The following HIVEP3 variants were observed in gnomAD, a reference collection of about 807,000 sequenced individuals.
HIVEP3 encodes HIVEP zinc finger 3, also known as transcription factor HIVEP3.
HIVEP3 carries 49 observed loss-of-function variants against 152.8 expected under a neutral mutation model. That is an observed-to-expected ratio of 0.32 (90% CI 0.26 to 0.41). HIVEP3 has a LOEUF of 0.41. HIVEP3 is among the 10% of genes least tolerant of loss of function. The pLI is 1.00. For synonymous variants in HIVEP3, 1,269 were observed against 1,289.0 expected, an observed-to-expected ratio of 0.98 and a Z score of 0.33; for missense variants, 2,790 against 3,103.3, an observed-to-expected ratio of 0.90 and a Z score of 2.40.
At chr1:41,516,333 G>A (rs1642606058) in intron 7 of HIVEP3, among the ~76,000 whole-genome samples, 1 of 152,220 alleles carries the variant, frequency 6.6e-6, no homozygotes, top group African/African-American at 2.4e-5. Context: ...GCTCCTTCCA[G>A]GCAGTTCTCC....
intron 1 of HIVEP3, among the ~76,000 whole-genome samples, chr1:41,803,749 T>C (rs1570572253): frequency 1.3e-5 from 2 of 152,230 alleles, no homozygotes; most frequent in Non-Finnish European, 2.9e-5. Context: ...TGGAATGACA[T>C]GGTTAGAACA....
At chr1:41,948,596 T>C (rs920571239) in intron 1 of HIVEP3, among the ~76,000 whole-genome samples, 1 of 152,100 alleles carries the variant, frequency 6.6e-6, no homozygotes, top group Non-Finnish European at 1.5e-5. Flanking sequence ...ACCCCTAGTA[T>C]GGGGTAATCC....
chr1:41,861,898 C>G (rs749418329), intron 1 of HIVEP3, among the ~76,000 whole-genome samples: 1 of 152,130 alleles, frequency 6.6e-6, no homozygotes, highest in Non-Finnish European at 1.5e-5. Context: ...CAGTGTAGAC[C>G]AGGCTGGCCA....
intron 1 of HIVEP3, among the ~76,000 whole-genome samples, chr1:41,827,538 G>A (rs1642839243): frequency 6.6e-6 from 1 of 152,200 alleles, no homozygotes; most frequent in South Asian, 2.1e-4. Flanking sequence ...GGGACAGTGA[G>A]GAATGGGTTG....
At chr1:42,000,319 G>A (rs1051017309) in intron 1 of HIVEP3, among the ~76,000 whole-genome samples, 3 of 152,160 alleles carry the variant, frequency 2.0e-5, no homozygotes. Flanking sequence ...GAACCCCCAG[G>A]GGGCACCTTT....
intron 1 of HIVEP3, among the ~76,000 whole-genome samples, chr1:41,896,700 G>A (rs892551365): frequency 4.0e-5 from 6 of 151,508 alleles, no homozygotes; most frequent in Non-Finnish European, 8.8e-5. Context: ...TCAGCCTCCT[G>A]AGTAGCTGAG....
intron 1 of HIVEP3, among the ~76,000 whole-genome samples, chr1:41,941,701 T>G (rs1645046822): frequency 6.6e-6 from 1 of 152,128 alleles, no homozygotes. Context: ...AATTATAAAT[T>G]TAAGGCACAA....
At chr1:41,705,722 G>A (rs1009863435) in intron 1 of HIVEP3, among the ~76,000 whole-genome samples, 7 of 152,196 alleles carry the variant, frequency 4.6e-5, no homozygotes, top group Non-Finnish European at 8.8e-5. Flanking sequence ...ACTTCAGAGC[G>A]TGCATCAAGA....
chr1:41,833,433 A>C (rs1441227307), intron 1 of HIVEP3, among the ~76,000 whole-genome samples: 2 of 152,140 alleles, frequency 1.3e-5, no homozygotes, highest in African/African-American at 2.4e-5. Context: ...GAAGGAAAAA[A>C]ACTAAAGTAA....
At chr1:41,812,948 T>C (rs1449583863) in intron 1 of HIVEP3, among the ~76,000 whole-genome samples, 1 of 152,188 alleles carries the variant, frequency 6.6e-6, no homozygotes, top group African/African-American at 2.4e-5. Flanking sequence ...AAAGTGCCTA[T>C]GCACTCTGGG....
intron 1 of HIVEP3, among the ~76,000 whole-genome samples, chr1:41,988,854 T>C (rs1645339879): frequency 6.6e-6 from 1 of 152,172 alleles, no homozygotes; most frequent in African/African-American, 2.4e-5. Context: ...AAAGATGTAA[T>C]ATATATTGGA....
intron 3 of HIVEP3, among the ~76,000 whole-genome samples, chr1:41,590,325 T>TC (rs1373485300): frequency 6.6e-6 from 1 of 152,220 alleles, no homozygotes. Context: ...CTTGTAGTAA[T>TC]CAAAGGCCCC....
intron 2 of HIVEP3, among the ~76,000 whole-genome samples, chr1:41,661,614 A>G (rs890666478): frequency 1.3e-5 from 2 of 152,204 alleles, no homozygotes; most frequent in African/African-American, 4.8e-5. Flanking sequence ...CTCACTCCCA[A>G]TGAGCCCCGA....
chr1:41,559,692 G>C (rs953900428), intron 5 of HIVEP3, among the ~76,000 whole-genome samples: 1 of 152,140 alleles, frequency 6.6e-6, no homozygotes, highest in Non-Finnish European at 1.5e-5. Flanking sequence ...TATACTAAGC[G>C]GGGGTCAAGA....
intron 5 of HIVEP3, among the ~76,000 whole-genome samples, chr1:41,528,998 C>T (rs1241053321): frequency 7.0e-6 from 1 of 141,942 alleles, no homozygotes; most frequent in Non-Finnish European, 1.5e-5. Context: ...ACTTCACATC[C>T]CTGCCCTCAC....
In HIVEP3 at chr1:41,598,206, G is replaced by A. The variant is rs574531277; in HGVS notation, c.-521-12888C>T. On this transcript the variant is annotated intron_variant, in intron 3 of 8. Transcript: ENST00000372583. ...GTCCAGCCAGTCTCTCATCAACACC[G>A]CCTAAGAGAGACCCAAATTCCACAT... Among the ~76,000 whole-genome samples the A allele has an allele frequency of 4.6e-5, 7 of 152,260 alleles. No individual in the cohort carries two copies. In the South Asian group the frequency reaches 8.3e-4, roughly 18 times the overall value.
At chr1:41,579,659 T>C in intron 4 of HIVEP3, 78 bp downstream of exon 4, 2 of 1,488,200 alleles carry the variant, frequency 1.3e-6, no homozygotes, top group East Asian at 4.6e-5. Flanking sequence ...AACTGGAACC[T>C]GAGGATACTG....
At chr1:41,757,899 A>G (rs1347121422) in intron 1 of HIVEP3, among the ~76,000 whole-genome samples, 2 of 151,956 alleles carry the variant, frequency 1.3e-5, no homozygotes, top group African/African-American at 4.8e-5. Context: ...TTCAGTAGAG[A>G]CAGGGTTTCT....
chr1:41,965,857 T>A (rs1206400592), intron 1 of HIVEP3, among the ~76,000 whole-genome samples: 1 of 152,064 alleles, frequency 6.6e-6, no homozygotes, highest in Non-Finnish European at 1.5e-5. Flanking sequence ...AGGCCAACAT[T>A]CAAATTCAGG....
Sources: gnomAD v4.1 joint callset for allele counts (sites outside exome capture counted in the v4.1 genomes callset) on GRCh38, gnomAD v4.1.1 for gene constraint, MANE v1.5 for transcripts, NCBI Gene and HGNC (gene_info 2026-07-23, HGNC 2026-07-21) for gene names.